Variants in PCDHGB3 observed in about 807,000 individuals in gnomAD.
PCDHGB3 encodes the protein protocadherin gamma subfamily B, 3, also known as protocadherin gamma-B3.
PCDHGB3 carries 40 observed loss-of-function variants against 59.2 expected under a neutral mutation model. The ratio of observed to expected loss-of-function variants is 0.68; its 90% CI spans 0.52 to 0.88. PCDHGB3 has a LOEUF of 0.88. PCDHGB3 is among the 40% of genes least tolerant of loss of function. PCDHGB3 has a pLI of 0.00. For missense variants in PCDHGB3, 1,309 were observed against 1,187.9 expected (o/e 1.10, Z -1.50); for synonymous variants, 581 against 503.6 (o/e 1.15, Z -2.06).
At position 141,508,878 on chromosome 5, in the gene PCDHGB3, C is replaced by A. The variant is rs189735747; in HGVS notation, c.2564-2069C>A. The stretch of plus-strand genomic sequence containing the variant: ...GGCTGGGAAAGGCTGAAGAGGCTGA[C>A]GGCTGGAGGGGAGGGGGCGGGGCGG... On this transcript the variant is annotated intron_variant, in intron 3 of 3. Transcript: ENST00000576222. Among the ~76,000 whole-genome samples, 561 of 152,074 alleles carry A rather than the reference C, an allele frequency of 3.7e-3. 3 individuals carry two copies. The highest frequency in any genetic ancestry group is 0.012 in the African/African-American group (508 of 41,498).
intron 1 of PCDHGB3, chr5:141,478,576 G>T (rs543160289): frequency 5.0e-6 from 8 of 1,585,598 alleles, no homozygotes; most frequent in Non-Finnish European, 6.9e-6. Flanking sequence ...GCTTGACCCT[G>T]TTAGTGCTTT....
intron 1 of PCDHGB3, chr5:141,392,676 C>G: frequency 1.1e-6 from 1 of 917,280 alleles, no homozygotes. Context: ...AACTGCTGGA[C>G]TGCAGCGAAA....
intron 1 of PCDHGB3, among the ~76,000 whole-genome samples, chr5:141,401,758 G>A (rs573644467): frequency 6.6e-6 from 1 of 152,234 alleles, no homozygotes; most frequent in East Asian, 1.9e-4. Flanking sequence ...CCCATTACAT[G>A]GTATAAGTCT....
intron 1 of PCDHGB3, chr5:141,403,838 G>C: frequency 6.2e-7 from 1 of 1,613,710 alleles, no homozygotes; most frequent in Non-Finnish European, 8.5e-7. Context: ...CCAGCTTAAT[G>C]AAAATACTGG....
intron 1 of PCDHGB3, among the ~76,000 whole-genome samples, chr5:141,381,820 C>CTTTCTTTCTTTCT (rs1279410534): frequency 1.7e-3 from 198 of 119,790 alleles, no homozygotes; most frequent in African/African-American, 6.6e-3. Context: ...TTCTTTCTTT[C>CTTTCTTTCTTTCT]TTCTTCTTTT....
chr5:141,509,811 C>T (rs1321920000), intron 3 of PCDHGB3, among the ~76,000 whole-genome samples: 1 of 152,168 alleles, frequency 6.6e-6, no homozygotes, highest in African/African-American at 2.4e-5. Flanking sequence ...TAGAGCCGAG[C>T]TCTTCTCCAT....
In PCDHGB3 at chr5:141,370,866, C is replaced by A. The variant is rs770980502; in HGVS notation, c.472C>A (p.Gln158Lys). Residue 158 changes from glutamine (Q) to lysine (K), a missense_variant, in exon 1 of 4, where the codon CAA becomes AAA. Transcript: ENST00000576222. ...TGATFALESAQDPDVGVNSLQ... is the reference protein window; with the variant it reads ...TGATFALESAKDPDVGVNSLQ... ...AGCCACATTTGCCCTGGAATCTGCG[C>A]AAGATCCTGATGTAGGTGTCAATTC... 14 of 1,614,050 alleles carry A rather than the reference C, an allele frequency of 8.7e-6. No homozygotes were observed. In the Admixed American group the frequency reaches 2.3e-4, roughly 27 times the overall value.
intron 1 of PCDHGB3, among the ~76,000 whole-genome samples, chr5:141,462,105 G>A (rs2099031983): frequency 6.6e-6 from 1 of 152,170 alleles, no homozygotes; most frequent in South Asian, 2.1e-4. Flanking sequence ...TTACAGGCAT[G>A]AGCCACTGCA....
chr5:141,405,553 T>G, intron 1 of PCDHGB3: 1 of 619,004 alleles, frequency 1.6e-6, no homozygotes, highest in Non-Finnish European at 2.8e-6. Flanking sequence ...CCAAGTAGAG[T>G]AGCTGGGACT....
intron 1 of PCDHGB3, among the ~76,000 whole-genome samples, chr5:141,468,281 C>T (rs568875291): frequency 6.8e-6 from 1 of 147,354 alleles, no homozygotes; most frequent in African/African-American, 2.5e-5. Flanking sequence ...GCCGAGACCA[C>T]GCCATTGCAC....
At chr5:141,466,827 T>C (rs1414741980) in intron 1 of PCDHGB3, among the ~76,000 whole-genome samples, 1 of 152,194 alleles carries the variant, frequency 6.6e-6, no homozygotes, top group Admixed American at 6.5e-5. Context: ...AACAAGTTAG[T>C]ATGGGTTTAT....
chr5:141,440,321 C>T (rs1048535776), intron 1 of PCDHGB3: 1 of 152,104 alleles, frequency 6.6e-6, no homozygotes, highest in African/African-American at 2.4e-5. Context: ...ACAAAAATTA[C>T]TGGGCATGGT....
intron 2 of PCDHGB3, among the ~76,000 whole-genome samples, chr5:141,501,890 A>G (rs1046816316): frequency 6.6e-6 from 1 of 151,980 alleles, no homozygotes; most frequent in Non-Finnish European, 1.5e-5. Flanking sequence ...CCTGATCATC[A>G]TGGTTCCAAC....
intron 1 of PCDHGB3, chr5:141,430,525 G>C (rs1354801907): frequency 3.3e-5 from 12 of 365,842 alleles, no homozygotes; most frequent in Admixed American, 1.3e-4. Context: ...GCAGTAATTG[G>C]TTAGGACTCT....
intron 1 of PCDHGB3, among the ~76,000 whole-genome samples, chr5:141,438,626 A>G (rs1309857700): frequency 2.3e-5 from 1 of 43,566 alleles, no homozygotes; most frequent in Non-Finnish European, 3.7e-5. Flanking sequence ...ATATATATAT[A>G]TATATATATA....
chr5:141,491,071 C>A lies in PCDHGB3; in HGVS notation c.2416-3736C>A, dbSNP rs987564933. ...TGCGTGGCTCTCCTACTCACTGTTG[C>A]CACAGTCCACAGCCCCAGGACTGTT... On this transcript the variant is annotated intron_variant, in intron 1 of 3. Transcript: ENST00000576222. This position sits in a 1 kb window ranked among gnomAD's most constrained non-coding sequence, Gnocchi z 6.9. 2 of 1,614,034 alleles carry A rather than the reference C, an allele frequency of 1.2e-6. No individual in the cohort carries two copies. The highest frequency in any genetic ancestry group is 1.7e-6 in the Non-Finnish European group (2 of 1,180,036).
intron 1 of PCDHGB3, chr5:141,379,090 T>C (rs1029371266): frequency 6.6e-6 from 1 of 152,210 alleles, no homozygotes; most frequent in Non-Finnish European, 1.5e-5. Context: ...GTTATGAATG[T>C]GTAAGAAAAA....
chr5:141,403,611 C>T lies in PCDHGB3; in HGVS notation c.2415+30802C>T. ...CTCACGGCCTCGGATGGCGGCGAGCCGCGTCGCTCCAGCACAGTGCGCATC... is the reference window on the plus strand; with the variant it reads ...CTCACGGCCTCGGATGGCGGCGAGCTGCGTCGCTCCAGCACAGTGCGCATC... On this transcript the variant is annotated intron_variant, in intron 1 of 3. Transcript: ENST00000576222. 6.2e-7 allele frequency: 1 copy of T among 1,613,860 alleles called. No homozygotes were observed.
intron 1 of PCDHGB3, among the ~76,000 whole-genome samples, chr5:141,494,361 G>A (rs1311268562): frequency 6.6e-6 from 1 of 152,184 alleles, no homozygotes; most frequent in African/African-American, 2.4e-5. Flanking sequence ...TGCTGCAGAG[G>A]ATGCTTTGTT....
Sources: gnomAD v4.1 joint callset for allele counts (sites outside exome capture counted in the v4.1 genomes callset) on GRCh38, gnomAD v4.1.1 for gene constraint, Gnocchi (gnomAD v3.1) non-coding constraint, MANE v1.5 for transcripts, NCBI Gene and HGNC (gene_info 2026-07-23, HGNC 2026-07-21) for gene names.